PGBD5: variants seen among roughly 807,000 people sequenced by gnomAD.
The protein encoded by PGBD5 is piggyBac transposable element-derived protein 5.
A neutral mutation model predicts 47.9 loss-of-function variants in PGBD5; 14 were observed. That is an observed-to-expected ratio of 0.29 (90% confidence interval 0.19 to 0.46). PGBD5 has a LOEUF of 0.46. PGBD5 is among the 20% of genes least tolerant of loss of function. The pLI is 1.00. For synonymous variants in PGBD5, 316 were observed against 306.3 expected (o/e 1.03, Z -0.33); for missense variants, 635 against 716.0 (o/e 0.89, Z 1.29).
intron 1 of PGBD5, among the ~76,000 whole-genome samples, chr1:230,392,719 T>TC (rs1412864356): frequency 6.6e-6 from 1 of 151,828 alleles, no homozygotes; most frequent in African/African-American, 2.4e-5. Context: ...CCCAAGGAAA[T>TC]CCCCCGTGCG....
At chr1:230,406,960 T>G (rs948324393) in intron 1 of PGBD5, among the ~76,000 whole-genome samples, 2 of 152,180 alleles carry the variant, frequency 1.3e-5, no homozygotes, top group Non-Finnish European at 2.9e-5. Context: ...TCAGCCTCCT[T>G]AGTAGCTGGA....
At chr1:230,423,317 T>C (rs1267218254) in intron 1 of PGBD5, among the ~76,000 whole-genome samples, 2 of 152,144 alleles carry the variant, frequency 1.3e-5, no homozygotes, top group African/African-American at 4.8e-5. Context: ...ACTCTACCCA[T>C]GCAGTGAGAT....
intron 1 of PGBD5, among the ~76,000 whole-genome samples, chr1:230,397,688 C>T (rs970267587): frequency 3.9e-5 from 6 of 152,218 alleles, no homozygotes; most frequent in Admixed American, 1.3e-4. Context: ...AGGCAAAAAT[C>T]GTGGGCCTGT....
intron 1 of PGBD5, among the ~76,000 whole-genome samples, chr1:230,390,033 A>G (rs1656746814): frequency 6.6e-6 from 1 of 152,202 alleles, no homozygotes; most frequent in South Asian, 2.1e-4. Flanking sequence ...GTGAGAAAAG[A>G]GAACACAGCT....
rs762474393 is a variant in PGBD5 at position 230,332,947 on chromosome 1, C to G, written c.1170G>C (p.Arg390=). 1.9e-6 allele frequency: 3 copies of G among 1,614,152 alleles called. No homozygotes were observed. Among genetic ancestry groups the G allele is most frequent in the Admixed American group, 1.7e-5 (1 of 60,026 alleles). ...CCTTCATCTTGATTTGGTACTGGCCCCGGGCCGGGGGTGTGGCTGGGTTGG... is the reference window on the plus strand; with the variant it reads ...CCTTCATCTTGATTTGGTACTGGCCGCGGGCCGGGGGTGTGGCTGGGTTGG... ...MLTNPATPPA[R]GQYQIKMKGN... is the part of the protein sequence containing the mutation. Residue 390 remains arginine, a synonymous_variant, in exon 5 of 7, where the codon CGG becomes CGC. Transcript: ENST00000391860.
chr1:230,411,644 G>C (rs182108216), intron 1 of PGBD5, among the ~76,000 whole-genome samples: 321 of 152,296 alleles, frequency 2.1e-3, no homozygotes, highest in Non-Finnish European at 3.1e-3. Flanking sequence ...CCAAACTTGA[G>C]AGATGAGAAA....
intron 5 of PGBD5, among the ~76,000 whole-genome samples, chr1:230,331,038 C>T (rs1291758055): frequency 6.6e-6 from 1 of 152,132 alleles, no homozygotes; most frequent in Non-Finnish European, 1.5e-5. Flanking sequence ...TCATTCTTTT[C>T]TCTTCATTAT....
At chr1:230,382,118 T>C (rs943856745) in intron 1 of PGBD5, among the ~76,000 whole-genome samples, 2 of 152,230 alleles carry the variant, frequency 1.3e-5, no homozygotes, top group African/African-American at 4.8e-5. Flanking sequence ...TCAGCCCACG[T>C]GGTTACTGCC....
At chr1:230,377,596 A>G in intron 1 of PGBD5, 1 of 1,577,134 alleles carries the variant, frequency 6.3e-7, no homozygotes, top group Non-Finnish European at 8.6e-7. Flanking sequence ...TTGCACGAAG[A>G]GAGCTCGAGT....
At chr1:230,329,913 G>A (rs1050013111) in intron 5 of PGBD5, among the ~76,000 whole-genome samples, 29 of 152,184 alleles carry the variant, frequency 1.9e-4, no homozygotes, top group African/African-American at 6.0e-4. Flanking sequence ...ACAGAGCAGA[G>A]ACCTAAAGCA....
At chr1:230,401,271 CACAG>C (rs1216003589) in intron 1 of PGBD5, among the ~76,000 whole-genome samples, 2 of 152,360 alleles carry the variant, frequency 1.3e-5, no homozygotes, top group Admixed American at 6.5e-5. Flanking sequence ...TGCTGTGGGG[CACAG>C]ACAAAGCACA....
At chr1:230,324,116 C>T (rs1565092) in intron 6 of PGBD5, among the ~76,000 whole-genome samples, 64,759 of 152,164 alleles carry the variant, frequency 0.43, 15,170 homozygotes, top group Non-Finnish European at 0.51. Flanking sequence ...GTCACCCCTC[C>T]GGGAAGCCCA....
chr1:230,330,907 G>C (rs1667203297), intron 5 of PGBD5, among the ~76,000 whole-genome samples: 1 of 152,130 alleles, frequency 6.6e-6, no homozygotes, highest in African/African-American at 2.4e-5. Context: ...AAAATCAATT[G>C]CCCATCAATA....
At chr1:230,400,393 CT>C (rs1258600282) in intron 1 of PGBD5, among the ~76,000 whole-genome samples, 1 of 151,888 alleles carries the variant, frequency 6.6e-6, no homozygotes, top group African/African-American at 2.4e-5. Context: ...ACAACATTTC[CT>C]TTTTAACATG....
At chr1:230,344,731 G>A (rs550207936) in intron 3 of PGBD5, among the ~76,000 whole-genome samples, 2 of 152,226 alleles carry the variant, frequency 1.3e-5, no homozygotes, top group African/African-American at 2.4e-5. Flanking sequence ...TTTGCTTGGG[G>A]GTTACCATCT....
intron 1 of PGBD5, chr1:230,367,995 G>A: frequency 7.3e-7 from 1 of 1,367,842 alleles, no homozygotes; most frequent in South Asian, 1.1e-5. Context: ...AAGGAGCTGG[G>A]GGTTCTCTTC....
chr1:230,396,089 T>C (rs1451218757), intron 1 of PGBD5, among the ~76,000 whole-genome samples: 1 of 147,194 alleles, frequency 6.8e-6, no homozygotes, highest in African/African-American at 2.5e-5. Context: ...CTTCCCTCTT[T>C]CTGCTCCTCC....
chr1:230,390,320 G>C (rs150404012), intron 1 of PGBD5, among the ~76,000 whole-genome samples: 56 of 152,208 alleles, frequency 3.7e-4, no homozygotes, highest in African/African-American at 1.3e-3. Context: ...CCTTCCATCA[G>C]AGCTGGTTTC....
In PGBD5 at chr1:230,395,254, TC is replaced by T. The variant is rs141075474; in HGVS notation, c.331+30343del. Among the ~76,000 whole-genome samples, 167 of 19,136 alleles carry T rather than the reference TC, an allele frequency of 8.7e-3. 15 individuals are homozygous for T. The highest frequency in any genetic ancestry group is 0.056 in the African/African-American group (146 of 2,614). The allele number at this position is 19,136 out of a possible 152,430, so 12.6% of individuals were successfully genotyped here. On this transcript the variant is annotated intron_variant, in intron 1 of 6. Coordinates refer to ENST00000391860, the MANE Select transcript of PGBD5 (RefSeq NM_001258311.2). ...AGCTCCTCTCTCATTCCCACCCTTCTCCCCCCCTCACGCTTCTCCCCATCCC... is the reference window on the plus strand; with the variant it reads ...AGCTCCTCTCTCATTCCCACCCTTCTCCCCCCTCACGCTTCTCCCCATCCC...
Sources: gnomAD v4.1 joint callset for allele counts (sites outside exome capture counted in the v4.1 genomes callset) on GRCh38, gnomAD v4.1.1 for gene constraint, MANE v1.5 for transcripts, NCBI Gene and HGNC (gene_info 2026-07-23, HGNC 2026-07-21) for gene names.